Variants in MAPK10 observed in about 807,000 individuals in gnomAD.
MAPK10 encodes JNK3 alpha protein kinase.
In MAPK10, 25 loss-of-function variants were observed where a neutral mutation model predicts 59.3. That is an observed-to-expected ratio of 0.42 (90% confidence interval 0.31 to 0.59). MAPK10 has a LOEUF of 0.59. Ranked by LOEUF, MAPK10 falls within the 20% of genes least tolerant of loss-of-function variation. MAPK10 has a pLI of 0.15. For missense variants in MAPK10, 351 were observed against 568.9 expected, an observed-to-expected ratio of 0.62 and a Z score of 3.90; for synonymous variants, 190 against 200.5, an observed-to-expected ratio of 0.95 and a Z score of 0.44.
At chr4:86,143,999 C>G (rs1368585750) in intron 4 of MAPK10, among the ~76,000 whole-genome samples, 1 of 152,100 alleles carries the variant, frequency 6.6e-6, no homozygotes, top group East Asian at 1.9e-4. Flanking sequence ...TTCAATTAAT[C>G]ATACTAAATT....
chr4:86,415,786 T>A (rs942757232), intron 1 of MAPK10, among the ~76,000 whole-genome samples: 1 of 152,190 alleles, frequency 6.6e-6, no homozygotes, highest in Non-Finnish European at 1.5e-5. Context: ...AACTGGAGGA[T>A]AACCTAATGT....
At chr4:86,485,695 G>A (rs1753933204) in intron 1 of MAPK10, among the ~76,000 whole-genome samples, 1 of 152,188 alleles carries the variant, frequency 6.6e-6, no homozygotes, top group African/African-American at 2.4e-5. Context: ...TTCATTTGTT[G>A]AACCCCTCAA....
At chr4:86,429,845 T>A (rs1036339811) in intron 1 of MAPK10, 3 of 151,992 alleles carry the variant, frequency 2.0e-5, no homozygotes, top group Admixed American at 2.0e-4. Context: ...CATAACTTTT[T>A]TTTTCAGTAC....
At chr4:86,140,945 C>T (rs1448070646) in intron 4 of MAPK10, among the ~76,000 whole-genome samples, 3 of 152,088 alleles carry the variant, frequency 2.0e-5, no homozygotes, top group Non-Finnish European at 2.9e-5. Context: ...AGGAAGGAAA[C>T]ATAAATTATG....
At chr4:86,370,908 G>A (rs1738661207) in intron 1 of MAPK10, 1 of 152,148 alleles carries the variant, frequency 6.6e-6, no homozygotes, top group Non-Finnish European at 1.5e-5. Context: ...ATGACTCAAT[G>A]AACAGAATTT....
At chr4:86,068,318 AT>A (rs2047128348) in intron 9 of MAPK10, among the ~76,000 whole-genome samples, 1 of 152,174 alleles carries the variant, frequency 6.6e-6, no homozygotes, top group Non-Finnish European at 1.5e-5. Flanking sequence ...ATAATGACAC[AT>A]CATAGTGACA....
intron 11 of MAPK10, among the ~76,000 whole-genome samples, chr4:86,034,690 TA>T (rs59696013): frequency 0.068 from 10,293 of 152,208 alleles, 435 homozygotes; most frequent in Middle Eastern, 0.12. Flanking sequence ...TACAACATGA[TA>T]AATGATAGAA....
chr4:86,557,428 A>T (rs1162825459), intron 1 of MAPK10, among the ~76,000 whole-genome samples: 1 of 152,028 alleles, frequency 6.6e-6, no homozygotes, highest in Non-Finnish European at 1.5e-5. Context: ...AAACTAGTGT[A>T]TTTTTTTAAA....
At chr4:86,499,915 C>T (rs1002031675) in intron 1 of MAPK10, among the ~76,000 whole-genome samples, 1 of 152,162 alleles carries the variant, frequency 6.6e-6, no homozygotes, top group Non-Finnish European at 1.5e-5. Context: ...CCATCTTGGA[C>T]CACGTGAAAA....
intron 2 of MAPK10, among the ~76,000 whole-genome samples, chr4:86,324,559 A>G (rs2095978215): frequency 6.6e-6 from 1 of 152,234 alleles, no homozygotes; most frequent in Non-Finnish European, 1.5e-5. Context: ...TAATCGTATC[A>G]TTCATTCAGT....
At chr4:86,047,007 A>G (rs2042615154) in intron 11 of MAPK10, among the ~76,000 whole-genome samples, 1 of 152,112 alleles carries the variant, frequency 6.6e-6, no homozygotes, top group African/African-American at 2.4e-5. Flanking sequence ...AGAGTGTAAC[A>G]GAGTACTATT....
chr4:86,480,193 G>A (rs915796023), intron 1 of MAPK10, among the ~76,000 whole-genome samples: 2 of 152,074 alleles, frequency 1.3e-5, no homozygotes, highest in African/African-American at 4.8e-5. Flanking sequence ...TGCCTTAACT[G>A]ATGACATTCC....
At chr4:86,312,826 C>T (rs1193855302) in intron 2 of MAPK10, among the ~76,000 whole-genome samples, 2 of 152,032 alleles carry the variant, frequency 1.3e-5, no homozygotes, top group Non-Finnish European at 2.9e-5. Context: ...AGTGGAGAAA[C>T]AGTATTGGAT....
chr4:86,079,228 C>T (rs1273601261), intron 9 of MAPK10, among the ~76,000 whole-genome samples: 2 of 152,078 alleles, frequency 1.3e-5, no homozygotes, highest in Non-Finnish European at 2.9e-5. Flanking sequence ...TATTTGTACA[C>T]TGACACTAGC....
At chr4:86,360,217 G>A (rs574094730), upstream of MAPK10, 200 of 985,796 alleles carry the variant, frequency 2.0e-4, no homozygotes, top group Non-Finnish European at 2.2e-4. Flanking sequence ...TGTGTTTTCC[G>A]GTGAAATGAG....
At chr4:86,359,475 T>C (rs892147478) in intron 1 of MAPK10, among the ~76,000 whole-genome samples, 183 bp downstream of exon 1, 4 of 152,010 alleles carry the variant, frequency 2.6e-5, no homozygotes, top group Admixed American at 2.0e-4. Flanking sequence ...AGAGATGTTC[T>C]GCACAGAGGG....
chr4:86,161,029 T>C (rs368691579), intron 3 of MAPK10, among the ~76,000 whole-genome samples: 12 of 151,912 alleles, frequency 7.9e-5, no homozygotes, highest in African/African-American at 2.9e-4. Flanking sequence ...AACCTACAAA[T>C]CCAGTGCTAG....
chr4:86,070,035 C>T lies in MAPK10; in HGVS notation c.803-2080G>A, dbSNP rs75609135. ...AATTAGAATCTAGAGACACACTCAGCGCTCTTTCCTACCTTAGGTTGCTTT... is the reference window on the plus strand; with the variant it reads ...AATTAGAATCTAGAGACACACTCAGTGCTCTTTCCTACCTTAGGTTGCTTT... On this transcript the variant is annotated intron_variant, in intron 9 of 13. Coordinates refer to ENST00000641462, the MANE Select transcript of MAPK10 (RefSeq NM_138982.4). 4.3e-3 allele frequency among the ~76,000 whole-genome samples: 660 copies of T among 152,244 alleles called. 31 individuals carry two copies. The East Asian group carries it at 0.1, about 24-fold the overall frequency.
At chr4:86,571,275 A>ATATG (rs138620141) in intron 1 of MAPK10, among the ~76,000 whole-genome samples, 6,860 of 148,260 alleles carry the variant, frequency 0.046, 214 homozygotes, top group African/African-American at 0.057. Flanking sequence ...ATATATATAT[A>ATATG]TATATTACTG....
Sources: allele counts gnomAD v4.1 joint callset (sites outside exome capture counted in the v4.1 genomes callset), GRCh38; gene constraint gnomAD v4.1.1; transcripts MANE v1.5; gene names NCBI Gene and HGNC (gene_info 2026-07-23, HGNC 2026-07-21).